The following HPSE2 variants were observed in gnomAD, a reference collection of about 807,000 sequenced individuals.
HPSE2 encodes heparanase 2 (inactive).
In HPSE2, 38 loss-of-function variants were observed where a neutral mutation model predicts 60.5. That is an observed-to-expected ratio of 0.63 (90% CI 0.48 to 0.82). The LOEUF is 0.82. HPSE2 is among the 40% of genes least tolerant of loss of function. HPSE2 has a pLI of 0.00. For synonymous variants in HPSE2, 295 were observed against 293.2 expected (o/e 1.01, Z -0.06); for missense variants, 713 against 740.4 (o/e 0.96, Z 0.43).
intron 9 of HPSE2, among the ~76,000 whole-genome samples, chr10:98,590,855 G>A (rs1945071502): frequency 6.6e-6 from 1 of 152,152 alleles, no homozygotes; most frequent in Non-Finnish European, 1.5e-5. Flanking sequence ...ATTCCTTTGT[G>A]TCTGAGTTTC....
chr10:99,154,953 C>A (rs1162899840), intron 2 of HPSE2, among the ~76,000 whole-genome samples: 2 of 151,454 alleles, frequency 1.3e-5, no homozygotes, highest in Non-Finnish European at 3.0e-5. Flanking sequence ...GGTTGCAATC[C>A]TAGTCTCTCA....
At chr10:98,480,308 T>C (rs931083666) in intron 11 of HPSE2, among the ~76,000 whole-genome samples, 9 of 152,102 alleles carry the variant, frequency 5.9e-5, no homozygotes, top group African/African-American at 2.2e-4. Flanking sequence ...CATCTCGAAC[T>C]CCTGACCTCA....
the HPSE2 span, among the ~76,000 whole-genome samples, chr10:99,267,786 A>AG: frequency 6.6e-6 from 1 of 151,562 alleles, no homozygotes; most frequent in Non-Finnish European, 1.5e-5. Flanking sequence ...TCAAAAAAAA[A>AG]AAACAAAAAA....
intron 3 of HPSE2, among the ~76,000 whole-genome samples, chr10:98,985,450 T>G (rs1346025324): frequency 6.6e-6 from 1 of 152,172 alleles, no homozygotes; most frequent in East Asian, 1.9e-4. Flanking sequence ...CTGAGAGATT[T>G]TGTCACCACC....
intron 2 of HPSE2, among the ~76,000 whole-genome samples, chr10:99,174,379 T>G (rs1215299798): frequency 2.0e-5 from 3 of 152,188 alleles, no homozygotes; most frequent in Admixed American, 6.5e-5. Context: ...TAACACAGGG[T>G]CTACTTCTGT....
chr10:98,473,873 C>T (rs1428554639), intron 11 of HPSE2, among the ~76,000 whole-genome samples: 1 of 152,198 alleles, frequency 6.6e-6, no homozygotes, highest in Non-Finnish European at 1.5e-5. Flanking sequence ...TCCCATCAAA[C>T]AGAAACTGAA....
intron 3 of HPSE2, among the ~76,000 whole-genome samples, chr10:98,889,105 T>C (rs995244291): frequency 2.0e-5 from 3 of 152,200 alleles, no homozygotes; most frequent in African/African-American, 7.2e-5. Context: ...GATTTTTTTT[T>C]CAGATTTTTT....
chr10:98,827,564 C>T (rs1005832789), intron 3 of HPSE2, among the ~76,000 whole-genome samples: 5 of 152,102 alleles, frequency 3.3e-5, no homozygotes, highest in African/African-American at 1.2e-4. Flanking sequence ...CTGAAACACC[C>T]TTCAACAGAA....
At chr10:99,261,643 C>A in the HPSE2 span, among the ~76,000 whole-genome samples, 1 of 152,184 alleles carries the variant, frequency 6.6e-6, no homozygotes, top group Non-Finnish European at 1.5e-5. Flanking sequence ...CCGCTCCTGA[C>A]ATTAGAGAAA....
intron 3 of HPSE2, among the ~76,000 whole-genome samples, chr10:98,926,527 T>C (rs1329402301): frequency 6.6e-6 from 1 of 152,168 alleles, no homozygotes. Flanking sequence ...TTTTGGGTAG[T>C]AGAAAAAGTT....
intron 3 of HPSE2, among the ~76,000 whole-genome samples, chr10:98,999,400 C>T (rs1018073321): frequency 6.6e-6 from 1 of 152,076 alleles, no homozygotes; most frequent in Non-Finnish European, 1.5e-5. Context: ...TCCCAACATC[C>T]TTGTGAAAGT....
chr10:98,647,632 A>C lies in HPSE2; in HGVS notation c.1005-5692T>G, dbSNP rs72840527. On this transcript the variant is annotated intron_variant, in intron 6 of 11. Transcript: ENST00000370552. ...AAAACCTATTCTGCCGCCTCGAAGC[A>C]AACACTGGAGAAAGGCTGATTTGAG... Among the ~76,000 whole-genome samples, 1,242 of 152,340 alleles carry C rather than the reference A, an allele frequency of 8.2e-3. 9 individuals carry two copies. Among genetic ancestry groups the C allele is most frequent in the South Asian group, 0.027 (130 of 4,828 alleles).
At chr10:99,309,410 C>T in the HPSE2 span, among the ~76,000 whole-genome samples, 1 of 152,122 alleles carries the variant, frequency 6.6e-6, no homozygotes, top group Non-Finnish European at 1.5e-5. Flanking sequence ...TACAACTAAA[C>T]AGTCAATTTG....
chr10:98,757,698 A>T (rs1275671757), intron 3 of HPSE2, among the ~76,000 whole-genome samples: 1 of 152,148 alleles, frequency 6.6e-6, no homozygotes, highest in African/African-American at 2.4e-5. Flanking sequence ...CACAAATATT[A>T]ATAAGTGGAA....
intron 3 of HPSE2, chr10:99,012,965 G>A (rs1325862415): frequency 3.2e-6 from 1 of 316,038 alleles, no homozygotes; most frequent in East Asian, 8.4e-5. Context: ...CAAATAAGTG[G>A]TCTTACTTTT....
chr10:99,054,600 C>T (rs1011479170), intron 3 of HPSE2, among the ~76,000 whole-genome samples: 11 of 152,186 alleles, frequency 7.2e-5, no homozygotes, highest in African/African-American at 2.7e-4. Flanking sequence ...ACCAAGCCCA[C>T]AATAGTTTAA....
intron 3 of HPSE2, among the ~76,000 whole-genome samples, chr10:99,037,526 C>T (rs559198101): frequency 6.6e-6 from 1 of 151,784 alleles, no homozygotes; most frequent in Non-Finnish European, 1.5e-5. Flanking sequence ...GTATATAATT[C>T]AAAGGACATC....
At chr10:98,464,192 T>C (rs1940428189) in intron 11 of HPSE2, among the ~76,000 whole-genome samples, 1 of 152,202 alleles carries the variant, frequency 6.6e-6, no homozygotes, top group African/African-American at 2.4e-5. Context: ...AAAACATAAG[T>C]TCATTTAAAA....
At chr10:99,132,648 A>C (rs974406307) in intron 3 of HPSE2, among the ~76,000 whole-genome samples, 7 of 151,952 alleles carry the variant, frequency 4.6e-5, no homozygotes, top group African/African-American at 1.7e-4. Context: ...GGGTCAGAGA[A>C]TTTTCTCCCC....
Sources: gnomAD v4.1 joint callset for allele counts (sites outside exome capture counted in the v4.1 genomes callset) on GRCh38, gnomAD v4.1.1 for gene constraint, MANE v1.5 for transcripts, NCBI Gene and HGNC (gene_info 2026-07-23, HGNC 2026-07-21) for gene names.